The following TCF4 variants were observed in gnomAD, a reference collection of about 807,000 sequenced individuals.
The protein encoded by TCF4 is transcription factor 4, also known as SL3-3 enhancer factor 2.
Under a neutral mutation model 82.1 loss-of-function variants are expected in TCF4, and 3 were observed. The observed-to-expected ratio is 0.04, with a 90% CI of 0.02 to 0.09. The LOEUF (loss-of-function observed/expected upper bound fraction) is 0.09, where lower values mean the gene tolerates loss of function less well. TCF4 is among the 10% of genes least tolerant of loss of function. The pLI, the probability that TCF4 is intolerant of heterozygous loss-of-function variation, is 1.00. For synonymous variants in TCF4, 276 were observed against 309.6 expected (o/e 0.89, Z 1.14); for missense variants, 518 against 852.7 (o/e 0.61, Z 4.89).
chr18:55,443,893 A>T (rs542525833), intron 5 of TCF4, among the ~76,000 whole-genome samples: 1 of 152,330 alleles, frequency 6.6e-6, no homozygotes, highest in Non-Finnish European at 1.5e-5. Context: ...TGCATTATAC[A>T]TGCATTACCT....
chr18:55,442,491 G>C (rs994067656), intron 5 of TCF4, among the ~76,000 whole-genome samples: 8 of 152,196 alleles, frequency 5.3e-5, no homozygotes, highest in Non-Finnish European at 8.8e-5. Context: ...AAGGGTGACA[G>C]AGAAATAAAT....
chr18:55,297,751 A>G (rs1164832038), intron 8 of TCF4, among the ~76,000 whole-genome samples: 1 of 152,106 alleles, frequency 6.6e-6, no homozygotes, highest in African/African-American at 2.4e-5. Flanking sequence ...AACTACAAAC[A>G]AAAAACAAAA....
At chr18:55,253,726 T>C (rs995898223) in intron 15 of TCF4, among the ~76,000 whole-genome samples, 1 of 152,122 alleles carries the variant, frequency 6.6e-6, no homozygotes, top group Non-Finnish European at 1.5e-5. Flanking sequence ...AAACATACCA[T>C]ATATTTCTAT....
At chr18:55,519,529 G>A (rs902019337) in intron 3 of TCF4, among the ~76,000 whole-genome samples, 4 of 151,810 alleles carry the variant, frequency 2.6e-5, no homozygotes, top group Non-Finnish European at 5.9e-5. Context: ...GATGGGATCT[G>A]AATCTCTCTC....
chr18:55,618,148 A>AT (rs907966254), intron 2 of TCF4, among the ~76,000 whole-genome samples: 1 of 152,142 alleles, frequency 6.6e-6, no homozygotes, highest in African/African-American at 2.4e-5. Context: ...TGAGAGTATA[A>AT]TTATAGCGTT....
chr18:55,467,345 G>C (rs563040527), intron 3 of TCF4, among the ~76,000 whole-genome samples: 2 of 152,184 alleles, frequency 1.3e-5, no homozygotes, highest in East Asian at 3.9e-4. Context: ...GCACCACCAA[G>C]TGCATTTCAA....
intron 5 of TCF4, among the ~76,000 whole-genome samples, chr18:55,432,012 A>G (rs2095214012): frequency 1.3e-5 from 2 of 152,176 alleles, no homozygotes; most frequent in African/African-American, 4.8e-5. Context: ...TTTAAAAATG[A>G]TAATCTGGGC....
At chr18:55,279,324 A>G (rs185027529) in intron 9 of TCF4, among the ~76,000 whole-genome samples, 6 of 152,356 alleles carry the variant, frequency 3.9e-5, no homozygotes, top group Admixed American at 2.0e-4. Context: ...AAGCAGATCA[A>G]TCTAATCTTA....
At chr18:55,621,587 T>C (rs1206212761) in intron 2 of TCF4, among the ~76,000 whole-genome samples, 2 of 2,888 alleles carry the variant, frequency 6.9e-4, no homozygotes. Flanking sequence ...AATATATATA[T>C]TATATTATAT....
chr18:55,222,973 G>GTTAACAATATTCAGCTT lies in TCF4; in HGVS notation c.*5045_*5061dup, dbSNP rs1437159170. Reference sequence around the variant, plus strand: ...AAATACAGTGTTAATATTAACTGTAGTTAACAATATTCAGCTTTTAACAAA... The same window carrying GTTAACAATATTCAGCTT: ...AAATACAGTGTTAATATTAACTGTAGTTAACAATATTCAGCTTTTAACAATATTCAGCTTTTAACAAA... On this transcript the variant is annotated 3_prime_UTR_variant, in exon 20 of 20. Coordinates refer to ENST00000354452, the MANE Select transcript of TCF4 (RefSeq NM_001083962.2). 10 of 152,600 alleles carry GTTAACAATATTCAGCTT rather than the reference G, an allele frequency of 6.6e-5. No homozygotes were observed. Among genetic ancestry groups the GTTAACAATATTCAGCTT allele is most frequent in the Non-Finnish European group, 1.2e-4 (8 of 68,048 alleles). The allele number at this position is 152,600 out of a possible 1,614,324, so 9.5% of individuals were successfully genotyped here. A position where few individuals can be genotyped will look rare whatever the true frequency, so the allele number is the denominator to read the frequency against.
chr18:55,258,261 C>T (rs1385001702), intron 13 of TCF4, among the ~76,000 whole-genome samples: 1 of 152,028 alleles, frequency 6.6e-6, no homozygotes, highest in Non-Finnish European at 1.5e-5. Flanking sequence ...ACAGAGCCGT[C>T]GGTGTGAAAA....
chr18:55,451,163 T>C (rs967087149), intron 5 of TCF4, among the ~76,000 whole-genome samples: 8 of 152,216 alleles, frequency 5.3e-5, no homozygotes, highest in African/African-American at 1.7e-4. Flanking sequence ...TTAGAAGGTA[T>C]AGGTATTTTA....
intron 3 of TCF4, among the ~76,000 whole-genome samples, chr18:55,565,956 G>A (rs150865500): frequency 6.6e-6 from 1 of 151,112 alleles, no homozygotes; most frequent in Non-Finnish European, 1.5e-5. Context: ...AATCACAGCA[G>A]TTTGGGAGGC....
chr18:55,445,156 T>C (rs1253981381), intron 5 of TCF4, among the ~76,000 whole-genome samples: 1 of 152,132 alleles, frequency 6.6e-6, no homozygotes, highest in Non-Finnish European at 1.5e-5. Context: ...CTATTTAAAA[T>C]CAATCCTTGA....
chr18:55,558,690 C>A (rs951635815), intron 3 of TCF4, among the ~76,000 whole-genome samples: 2 of 152,094 alleles, frequency 1.3e-5, no homozygotes, highest in Non-Finnish European at 2.9e-5. Flanking sequence ...AAAATCAACT[C>A]ATTAAAACGC....
intron 3 of TCF4, among the ~76,000 whole-genome samples, chr18:55,477,775 T>C (rs1467067536): frequency 6.6e-6 from 1 of 152,182 alleles, no homozygotes; most frequent in African/African-American, 2.4e-5. Context: ...CTGCCTTACT[T>C]TACTAGTCCA....
At chr18:55,321,840 A>G (rs531591194) in intron 8 of TCF4, 10 of 1,486,666 alleles carry the variant, frequency 6.7e-6, no homozygotes, top group Admixed American at 4.2e-5. Flanking sequence ...ATTTTCCCAT[A>G]TGGCCGGGCC....
At chr18:55,254,369 G>C in intron 15 of TCF4, 128 bp downstream of exon 15, 1 of 846,786 alleles carries the variant, frequency 1.2e-6, no homozygotes, top group Non-Finnish European at 1.9e-6. Context: ...CCTGAAATGG[G>C]CTCATCGTAT....
chr18:55,562,122 A>G (rs2097360462), intron 3 of TCF4, among the ~76,000 whole-genome samples: 1 of 152,210 alleles, frequency 6.6e-6, no homozygotes, highest in African/African-American at 2.4e-5. Context: ...TTTGCTGTCT[A>G]TAACTGGCTT....
Sources: allele counts gnomAD v4.1 joint callset (sites outside exome capture counted in the v4.1 genomes callset), GRCh38; gene constraint gnomAD v4.1.1; transcripts MANE v1.5; gene names NCBI Gene and HGNC (gene_info 2026-07-23, HGNC 2026-07-21).